Variants in EARS2 observed in about 807,000 individuals in gnomAD.
The protein encoded by EARS2 is nondiscriminating glutamyl-tRNA synthetase EARS2, mitochondrial.
EARS2 carries 50 observed loss-of-function variants against 54.1 expected under a neutral mutation model. The ratio of observed to expected loss-of-function variants is 0.92; its 90% CI spans 0.74 to 1.17. The LOEUF (loss-of-function observed/expected upper bound fraction) is 1.17. Among genes scored for constraint, EARS2 ranks in the 50% most tolerant of loss-of-function variants. The pLI, the probability that EARS2 is intolerant of heterozygous loss-of-function variation, is 0.00. For synonymous variants in EARS2, 298 were observed against 281.0 expected, an observed-to-expected ratio of 1.06 and a Z score of -0.61; for missense variants, 673 against 675.0, an observed-to-expected ratio of 1.00 and a Z score of 0.03.
chr16:23,544,584 G>A lies in EARS2; in HGVS notation c.415C>T (p.Pro139Ser). 6.2e-7 allele frequency: 1 copy of A among 1,614,062 alleles called. No homozygotes were observed. The highest frequency in any genetic ancestry group is 8.5e-7 in the Non-Finnish European group (1 of 1,180,006). ...AGCCGCTGGGGTGAGCAGAAACAGG[G>A]GTAAGCAGCTCCGGTCTTCAGCAGC... ...EALLKTGAAY[P>S]CFCSPQRLEL... The change falls in exon 3 of 9, where the codon CCC becomes TCC. Residue 139 changes from proline to serine, a missense_variant. Physicochemically the swap from Pro to Ser is moderately conservative, Grantham distance 74 (BLOSUM62 -1). Transcript: ENST00000449606.
At chr16:23,543,447 A>C (rs1445440642) in intron 3 of EARS2, among the ~76,000 whole-genome samples, 1 of 151,512 alleles carries the variant, frequency 6.6e-6, no homozygotes, top group African/African-American at 2.4e-5. Flanking sequence ...AACAAAAAAA[A>C]AACCAAAAAA....
chr16:23,552,168 C>T lies in EARS2; in HGVS notation c.276G>A (p.Glu92=), dbSNP rs1299423409. The part of the protein sequence containing the change: ...RVVPGAAENI[E]DMLEWAGIPP... ...GCTTACCTGCCCACTCCAGCATGTC[C>T]TCAATATTCTCCGCTGCCCCAGGCA... The change falls in exon 2 of 9, where the codon GAG becomes GAA. Residue 92 remains glutamate, a synonymous_variant. Coordinates refer to ENST00000449606, the MANE Select transcript of EARS2 (RefSeq NM_001083614.2). The T allele has an allele frequency of 3.7e-6, 6 of 1,613,928 alleles. No individual in the cohort carries two copies. Among genetic ancestry groups the T allele is most frequent in the Non-Finnish European group, 5.1e-6 (6 of 1,179,940 alleles).
chr16:23,552,122 G>A (rs1420393915), intron 2 of EARS2, 27 bp downstream of exon 2: 6 of 1,605,976 alleles, frequency 3.7e-6, no homozygotes, highest in South Asian at 1.1e-5. Context: ...CTTCCCTGCA[G>A]AAAGATCCTT....
chr16:23,546,741 T>G (rs150905172), intron 2 of EARS2, among the ~76,000 whole-genome samples: 8 of 152,324 alleles, frequency 5.3e-5, no homozygotes, highest in African/African-American at 1.9e-4. Flanking sequence ...AAGTTTTCTA[T>G]AGAGACAAGG....
intron 2 of EARS2, among the ~76,000 whole-genome samples, chr16:23,546,625 G>A (rs546884073): frequency 2.8e-4 from 42 of 152,198 alleles, no homozygotes; most frequent in Non-Finnish European, 4.1e-4. Context: ...GCACGTTCTC[G>A]GCTAATTGAA....
chr16:23,540,552 T>C (rs1365739104), intron 3 of EARS2, among the ~76,000 whole-genome samples: 1 of 152,224 alleles, frequency 6.6e-6, no homozygotes, highest in Non-Finnish European at 1.5e-5. Context: ...TCTAGGAAGG[T>C]ATTCAGCAAA....
intron 7 of EARS2, among the ~76,000 whole-genome samples, chr16:23,525,826 T>A (rs946905959): frequency 6.6e-6 from 1 of 151,734 alleles, no homozygotes; most frequent in African/African-American, 2.4e-5. Flanking sequence ...TAAAACCCCA[T>A]CTCTACTAAA....
intron 3 of EARS2, among the ~76,000 whole-genome samples, chr16:23,540,328 T>C (rs1475125543): frequency 1.3e-5 from 2 of 152,080 alleles, no homozygotes; most frequent in East Asian, 1.9e-4. Flanking sequence ...AAAAAAAATA[T>C]TCTGTCAAGA....
chr16:23,537,720 G>A (rs773339548), intron 3 of EARS2, among the ~76,000 whole-genome samples: 4 of 151,852 alleles, frequency 2.6e-5, no homozygotes, highest in Admixed American at 6.6e-5. Flanking sequence ...CTACAGGTAT[G>A]CACGACTATA....
chr16:23,529,950 A>G, intron 5 of EARS2, 53 bp from the exon 6 acceptor site: 1 of 1,595,700 alleles, frequency 6.3e-7, no homozygotes, highest in Non-Finnish European at 8.6e-7. Context: ...ACCCACCCAA[A>G]CCGTCTCTCC....
intron 3 of EARS2, among the ~76,000 whole-genome samples, chr16:23,540,368 AATGTCACCGT>A (rs1240643009): frequency 6.6e-6 from 1 of 152,226 alleles, no homozygotes; most frequent in East Asian, 1.9e-4. Context: ...ATAAAAAGGC[AATGTCACCGT>A]AAACGTCATG....
intron 2 of EARS2, 57 bp from the exon 3 acceptor site, chr16:23,544,760 T>C: frequency 7.0e-7 from 1 of 1,435,938 alleles, no homozygotes; most frequent in Non-Finnish European, 9.4e-7. Flanking sequence ...TCTCAGGCAT[T>C]GCTCTAAGCA....
intron 2 of EARS2, among the ~76,000 whole-genome samples, chr16:23,548,002 G>A (rs1965632399): frequency 1.3e-5 from 2 of 151,828 alleles, no homozygotes; most frequent in African/African-American, 2.4e-5. Context: ...AGGCTGAGGC[G>A]GGCAGATCAC....
At chr16:23,547,597 C>T (rs746505118) in intron 2 of EARS2, among the ~76,000 whole-genome samples, 25 of 152,086 alleles carry the variant, frequency 1.6e-4, no homozygotes, top group Non-Finnish European at 2.6e-4. Flanking sequence ...CCTCCACCTC[C>T]CGGTTCAAGC....
At chr16:23,542,077 T>G (rs1213583250) in intron 3 of EARS2, among the ~76,000 whole-genome samples, 1 of 151,682 alleles carries the variant, frequency 6.6e-6, no homozygotes, top group Non-Finnish European at 1.5e-5. Flanking sequence ...AGGCTGGTCT[T>G]GAACTCCTGA....
rs142770139 is a variant in EARS2 at position 23,537,338 on chromosome 16, C to G, written c.486-1978G>C. 189 of 156,382 alleles carry G rather than the reference C, an allele frequency of 1.2e-3. 1 individual carries two copies. Among genetic ancestry groups the G allele is most frequent in the Middle Eastern group, 3.3e-3 (1 of 306 alleles). 9.7% of individuals were successfully genotyped at this position (156,382 alleles called of 1,614,324 possible). A position where few individuals can be genotyped will look rare whatever the true frequency, so the allele number is the denominator to read the frequency against. On this transcript the variant is annotated intron_variant, in intron 3 of 8. Coordinates refer to ENST00000449606, the MANE Select transcript of EARS2 (RefSeq NM_001083614.2). ...AACTCCTAGTCTCAAGTGATCCACC[C>G]TCCTCAGCCTCCCAAAGTGCTGTGA... is the stretch of plus-strand genomic sequence containing the variant.
At chr16:23,530,913 T>C (rs1395687750) in intron 5 of EARS2, among the ~76,000 whole-genome samples, 1 of 149,988 alleles carries the variant, frequency 6.7e-6, no homozygotes, top group African/African-American at 2.5e-5. Context: ...TTTTTTGAGA[T>C]GGAGTTTCAC....
At chr16:23,533,223 G>C (rs1030427633) in intron 4 of EARS2, among the ~76,000 whole-genome samples, 1 of 152,148 alleles carries the variant, frequency 6.6e-6, no homozygotes, top group Admixed American at 6.5e-5. Flanking sequence ...GGCGGAGATT[G>C]TAGTGAGCTA....
At chr16:23,545,789 G>A (rs545957107) in intron 2 of EARS2, among the ~76,000 whole-genome samples, 4 of 152,138 alleles carry the variant, frequency 2.6e-5, no homozygotes, top group Admixed American at 6.6e-5. Flanking sequence ...TCAACCTCCC[G>A]AGTAGCTAGA....
Sources: gnomAD v4.1 joint callset for allele counts (sites outside exome capture counted in the v4.1 genomes callset) on GRCh38, gnomAD v4.1.1 for gene constraint, MANE v1.5 for transcripts, NCBI Gene and HGNC (gene_info 2026-07-23, HGNC 2026-07-21) for gene names.